CDKL5: variants seen among roughly 807,000 people sequenced by gnomAD.
The protein encoded by CDKL5 is cyclin-dependent kinase-like 5.
Under a neutral mutation model 61.7 loss-of-function variants are expected in CDKL5, and 8 were observed. The observed-to-expected ratio is 0.13, with a 90% confidence interval of 0.08 to 0.23. The LOEUF (loss-of-function observed/expected upper bound fraction) is 0.23, where lower values mean the gene tolerates loss of function less well. Among genes scored for constraint, CDKL5 ranks in the 10% least tolerant of loss-of-function variants. The pLI, the probability that CDKL5 is intolerant of heterozygous loss-of-function variation, is 1.00. For missense variants in CDKL5, 440 were observed against 734.5 expected, an observed-to-expected ratio of 0.60 and a Z score of 4.63; for synonymous variants, 275 against 272.3, an observed-to-expected ratio of 1.01 and a Z score of -0.10.
chrX:18,462,079 G>T (rs182775284), intron 1 of CDKL5, among the ~76,000 whole-genome samples: 284 of 96,948 alleles, frequency 2.9e-3, no homozygotes, highest in African/African-American at 4.7e-3. Context: ...TTTTTTTGCG[G>T]TTTTTTTTTT....
chrX:18,526,786 T>TC (rs2147106128), intron 3 of CDKL5, among the ~76,000 whole-genome samples: 1 of 110,148 alleles, frequency 9.1e-6, no homozygotes, highest in Non-Finnish European at 1.9e-5. Flanking sequence ...AGCCTTTCTT[T>TC]CTTTTTTTTT....
intron 3 of CDKL5, among the ~76,000 whole-genome samples, chrX:18,558,368 A>T (rs1360861030): frequency 2.7e-5 from 3 of 111,772 alleles, no homozygotes; most frequent in Non-Finnish European, 3.8e-5. Context: ...TAAATTCAAA[A>T]CAAGTTTTTC....
At chrX:18,467,093 G>C (rs1269057455) in intron 1 of CDKL5, among the ~76,000 whole-genome samples, 1 of 111,583 alleles carries the variant, frequency 9.0e-6, no homozygotes, top group East Asian at 2.8e-4. Flanking sequence ...ATATGAACCT[G>C]TATAGCATAT....
At chrX:18,620,569 G>C (rs1268696396) in intron 16 of CDKL5, among the ~76,000 whole-genome samples, 2 of 110,988 alleles carry the variant, frequency 1.8e-5, no homozygotes, top group Non-Finnish European at 3.8e-5. Context: ...CCATGGGACC[G>C]TTCACATCAC....
chrX:18,643,658 C>T (rs547119198), downstream of CDKL5, among the ~76,000 whole-genome samples: 2 of 111,779 alleles, frequency 1.8e-5, no homozygotes, highest in Non-Finnish European at 3.8e-5. Flanking sequence ...ACGTCTTGGC[C>T]GTACAAATTG....
intron 1 of CDKL5, among the ~76,000 whole-genome samples, chrX:18,428,339 T>G (rs1931410758): frequency 8.9e-6 from 1 of 112,390 alleles, no homozygotes; most frequent in South Asian, 3.6e-4. Flanking sequence ...TAGCTTTATC[T>G]GAGAAATTGG....
chrX:18,612,252 A>T (rs1164727168), intron 14 of CDKL5, among the ~76,000 whole-genome samples: 1 of 112,144 alleles, frequency 8.9e-6, no homozygotes, highest in Non-Finnish European at 1.9e-5. Flanking sequence ...TTCAGCACAC[A>T]TATTAATTAC....
intron 3 of CDKL5, among the ~76,000 whole-genome samples, chrX:18,548,085 TAAAA>T (rs1924262897): frequency 9.1e-6 from 1 of 109,887 alleles, no homozygotes; most frequent in Non-Finnish European, 1.9e-5. Context: ...GGTGGGCACT[TAAAA>T]GAAAGTAGAG....
intron 15 of CDKL5, among the ~76,000 whole-genome samples, chrX:18,614,195 A>G (rs1926648569): frequency 8.9e-6 from 1 of 112,115 alleles, no homozygotes; most frequent in Non-Finnish European, 1.9e-5. Context: ...TGATGTCACA[A>G]TTTGGACCCT....
At chrX:18,567,296 T>C (rs1237827272) in intron 4 of CDKL5, among the ~76,000 whole-genome samples, 1 of 112,152 alleles carries the variant, frequency 8.9e-6, no homozygotes, top group Non-Finnish European at 1.9e-5. Context: ...TAGCCAATTA[T>C]AATAAAAAAC....
intron 3 of CDKL5, among the ~76,000 whole-genome samples, chrX:18,533,478 A>C (rs775893749): frequency 3.7e-4 from 41 of 111,713 alleles, no homozygotes; most frequent in African/African-American, 1.3e-3. Context: ...AGTACCCTAG[A>C]AGAAACCCAC....
In CDKL5 at chrX:18,575,446, C is replaced by A. The variant is rs1466254546; in HGVS notation, c.238C>A (p.Arg80Ser). The A allele has an allele frequency of 2.5e-6, 3 of 1,207,760 alleles. No homozygotes were observed. In the South Asian group the frequency reaches 5.3e-5, roughly 21 times the overall value. ...ENIVELKEAF[R>S]RRGKLYLVFE... ...CATTGTGGAGTTGAAGGAAGCATTT[C>A]GTCGGAGGGGAAAGTTGTACTTGGT... The change falls in exon 5 of 18, where the codon CGT becomes AGT. Residue 80 changes from arginine to serine, a missense_variant. Transcript: ENST00000623535.
chrX:18,491,671 G>C (rs1921997966), intron 1 of CDKL5, among the ~76,000 whole-genome samples: 1 of 111,361 alleles, frequency 9.0e-6, no homozygotes. Flanking sequence ...TTTAAAAACA[G>C]TAACTCCTTT....
intron 3 of CDKL5, among the ~76,000 whole-genome samples, chrX:18,558,202 T>C (rs939128386): frequency 9.0e-6 from 1 of 111,619 alleles, no homozygotes; most frequent in African/African-American, 3.3e-5. Flanking sequence ...TTGATCACAT[T>C]CTTAGTTTAT....
At chrX:18,469,744 G>T (rs1215342429) in intron 1 of CDKL5, among the ~76,000 whole-genome samples, 1 of 111,550 alleles carries the variant, frequency 9.0e-6, no homozygotes, top group African/African-American at 3.3e-5. Context: ...TGGGGGAAAA[G>T]ATATTTCTAA....
At position 18,633,550 on chromosome X, in the gene CDKL5, G is replaced by C. The variant is rs1774025682; in HGVS notation, c.*4793G>C. 1 of 752,987 alleles carries C rather than the reference G, an allele frequency of 1.3e-6. No individual in the cohort carries two copies. Among genetic ancestry groups the C allele is most frequent in the African/African-American group, 2.3e-5 (1 of 43,376 alleles). 62.1% of individuals were successfully genotyped at this position (752,987 alleles called of 1,213,427 possible). On this transcript the variant is annotated 3_prime_UTR_variant, in exon 18 of 18. Coordinates refer to ENST00000623535, the MANE Select transcript of CDKL5 (RefSeq NM_001323289.2). ...CAGCTGAGATACAGAATATCTTGAG[G>C]TCTGGTTCAGCTGATGAAAAATTCT... is the stretch of plus-strand genomic sequence containing the variant.
intron 1 of CDKL5, among the ~76,000 whole-genome samples, chrX:18,434,415 C>T (rs971816302): frequency 4.5e-5 from 5 of 111,232 alleles, no homozygotes; most frequent in African/African-American, 1.3e-4. Flanking sequence ...GTTAGACACA[C>T]GGCACTGGTC....
In CDKL5 at chrX:18,609,502, C is replaced by T. The variant is rs1926472978; in HGVS notation, c.2084C>T (p.Thr695Ile). ...CATGACCCACACTCTGATGATGGCA[C>T]AGCCCCCAAAGAAAATAGACACCTA... Reference protein sequence around the residue: ...VYHDPHSDDGTAPKENRHLYN... With the variant: ...VYHDPHSDDGIAPKENRHLYN... The change falls in exon 14 of 18, where the codon ACA (threonine) becomes ATA (isoleucine). Residue 695 changes from threonine to isoleucine, a missense_variant. Around this residue, in one of 2 missense-constraint regions of CDKL5, gnomAD observed 363 missense variants for 516.3 expected, o/e 0.70. Coordinates refer to ENST00000623535, the MANE Select transcript of CDKL5 (RefSeq NM_001323289.2). The T allele has an allele frequency of 1.2e-5, 15 of 1,210,158 alleles. No individual in the cohort carries two copies. The highest frequency in any genetic ancestry group is 1.7e-5 in the Non-Finnish European group (15 of 895,272).
At chrX:18,499,863 T>G (rs1922321285) in intron 1 of CDKL5, among the ~76,000 whole-genome samples, 2 of 112,441 alleles carry the variant, frequency 1.8e-5, no homozygotes, top group Non-Finnish European at 3.7e-5. Context: ...TGAGAAACTA[T>G]CTGTAGCAGT....
Sources: allele counts gnomAD v4.1 joint callset (sites outside exome capture counted in the v4.1 genomes callset), GRCh38; gene constraint gnomAD v4.1.1; regional missense constraint gnomAD v4.1.1; transcripts MANE v1.5; gene names NCBI Gene and HGNC (gene_info 2026-07-23, HGNC 2026-07-21).